RPTOR: variants seen among roughly 807,000 people sequenced by gnomAD.
RPTOR encodes the protein regulatory-associated protein of mTOR.
A neutral mutation model predicts 169.9 loss-of-function variants in RPTOR; 21 were observed. The ratio of observed to expected loss-of-function variants is 0.12; its 90% CI spans 0.09 to 0.18. The LOEUF is 0.18. RPTOR is among the 10% of genes least tolerant of loss of function. The pLI, the probability that RPTOR is intolerant of heterozygous loss-of-function variation, is 1.00. For synonymous variants in RPTOR, 732 were observed against 753.2 expected (o/e 0.97, Z 0.46); for missense variants, 1,133 against 1,855.9 (o/e 0.61, Z 7.16).
intron 1 of RPTOR, among the ~76,000 whole-genome samples, chr17:80,607,205 C>T (rs2143473087): frequency 6.6e-6 from 1 of 152,252 alleles, no homozygotes; most frequent in African/African-American, 2.4e-5. Flanking sequence ...TCCTAAAGTG[C>T]TGGGATTATA....
chr17:80,907,969 A>G (rs1450094742), intron 20 of RPTOR, among the ~76,000 whole-genome samples: 3 of 152,142 alleles, frequency 2.0e-5, no homozygotes, highest in Admixed American at 2.0e-4. Context: ...TGGACGTAGC[A>G]TGGCTCAAAG....
intron 13 of RPTOR, among the ~76,000 whole-genome samples, chr17:80,870,185 A>G (rs1057395714): frequency 1.1e-4 from 16 of 152,244 alleles, no homozygotes; most frequent in Admixed American, 3.3e-4. Flanking sequence ...TGGTACCACC[A>G]GGGAACTCCA....
intron 6 of RPTOR, among the ~76,000 whole-genome samples, chr17:80,780,514 G>C (rs1056838228): frequency 1.3e-5 from 2 of 152,214 alleles, no homozygotes; most frequent in Non-Finnish European, 1.5e-5. Context: ...CTGACCCTCA[G>C]AGGCGGTCCG....
chr17:80,827,543 C>T (rs1567934370), intron 9 of RPTOR, among the ~76,000 whole-genome samples: 3 of 152,280 alleles, frequency 2.0e-5, no homozygotes, highest in African/African-American at 4.8e-5. Context: ...CAGCCATCAC[C>T]GTTGCCATAT....
At chr17:80,874,569 G>T (rs1354104799) in intron 13 of RPTOR, among the ~76,000 whole-genome samples, 1 of 152,166 alleles carries the variant, frequency 6.6e-6, no homozygotes, top group East Asian at 1.9e-4. Context: ...CACTGTGCCT[G>T]GGGGTGAAGG....
Position 80,621,601 on chromosome 17 carries a change from G to A in RPTOR, c.163-4090G>A, listed in dbSNP as rs891379451. Among the ~76,000 whole-genome samples the A allele has an allele frequency of 3.9e-5, 6 of 152,284 alleles. 1 individual carries two copies. Among genetic ancestry groups the A allele is most frequent in the Admixed American group, 3.9e-4 (6 of 15,296 alleles). ...TTGCTCGCTCCCTGGACTTGCAGCCGCCCCTTACTCCCTGGATTCCTCGCT... is the reference window on the plus strand; with the variant it reads ...TTGCTCGCTCCCTGGACTTGCAGCCACCCCTTACTCCCTGGATTCCTCGCT... On this transcript the variant is annotated intron_variant, in intron 1 of 33. Transcript: ENST00000306801.
intron 4 of RPTOR, among the ~76,000 whole-genome samples, chr17:80,717,609 T>G (rs1250280515): frequency 6.6e-6 from 1 of 152,196 alleles, no homozygotes; most frequent in African/African-American, 2.4e-5. Context: ...TGCCGAGTCT[T>G]TCAGCCTTCA....
chr17:80,731,664 A>C (rs760427917), intron 5 of RPTOR, among the ~76,000 whole-genome samples: 5 of 152,250 alleles, frequency 3.3e-5, no homozygotes, highest in Non-Finnish European at 5.9e-5. Flanking sequence ...AATATTCTGC[A>C]GCCTCAAGGG....
In RPTOR at chr17:80,878,303, C is replaced by G. The variant is rs2068145493; in HGVS notation, c.1510-2112C>G. Among the ~76,000 whole-genome samples, 1 of 152,186 alleles carries G rather than the reference C, an allele frequency of 6.6e-6. No homozygotes were observed. Among genetic ancestry groups the G allele is most frequent in the Non-Finnish European group, 1.5e-5 (1 of 68,040 alleles). ...TTGTACATCGCACTGCAGTTTCAGA[C>G]TGCTTTCACATGCGTGGTTTCATCT... On this transcript the variant is annotated intron_variant, in intron 13 of 33. Coordinates refer to ENST00000306801, the MANE Select transcript of RPTOR (RefSeq NM_020761.3). The surrounding 1 kb of genome is among the most constrained non-coding windows in gnomAD (Gnocchi z 4.1).
chr17:80,634,556 CTGTG>C (rs1275387566), intron 2 of RPTOR, among the ~76,000 whole-genome samples: 4 of 72,094 alleles, frequency 5.5e-5, no homozygotes, highest in Non-Finnish European at 5.4e-5. Flanking sequence ...TGTGTGCATA[CTGTG>C]TGTGTGCATA....
intron 13 of RPTOR, among the ~76,000 whole-genome samples, chr17:80,872,995 G>C (rs1020041808): frequency 6.6e-6 from 1 of 152,248 alleles, no homozygotes; most frequent in East Asian, 1.9e-4. Context: ...CACTGAGGAG[G>C]CCCCGGGGGG....
intron 1 of RPTOR, among the ~76,000 whole-genome samples, chr17:80,583,678 T>G (rs529215981): frequency 6.6e-6 from 1 of 152,078 alleles, no homozygotes; most frequent in Non-Finnish European, 1.5e-5. Flanking sequence ...AACCCGGTAG[T>G]GAAGGGGGAA....
chr17:80,704,929 G>C (rs536386708), intron 3 of RPTOR, among the ~76,000 whole-genome samples: 7 of 152,254 alleles, frequency 4.6e-5, no homozygotes, highest in East Asian at 1.9e-4. Context: ...TTGTAGGAGA[G>C]CTGGGCATTG....
rs1050652798 is a variant in RPTOR, at chr17:80,845,609, A to G, written c.1213-864A>G. ...CCCAGCCTGCCCGAGGATGCCCTCC[A>G]GCAGCCTTTCCCCACCCTCCGTGCC... On this transcript the variant is annotated intron_variant, in intron 10 of 33. Transcript: ENST00000306801. This position sits in a 1 kb window ranked among gnomAD's most constrained non-coding sequence, Gnocchi z 5.4. Among the ~76,000 whole-genome samples the G allele has an allele frequency of 6.8e-6, 1 of 147,872 alleles. No homozygotes were observed. The highest frequency in any genetic ancestry group is 6.7e-5 in the Admixed American group (1 of 14,818).
At chr17:80,831,894 C>A (rs1373719574) in intron 9 of RPTOR, among the ~76,000 whole-genome samples, 3 of 151,990 alleles carry the variant, frequency 2.0e-5, no homozygotes, top group African/African-American at 7.3e-5. Context: ...TCACTGTGCA[C>A]ACAGTAAAAT....
At chr17:80,744,803 T>G (rs1308625942) in intron 5 of RPTOR, among the ~76,000 whole-genome samples, 2 of 99,770 alleles carry the variant, frequency 2.0e-5, no homozygotes, top group Non-Finnish European at 4.1e-5. Flanking sequence ...CCCTGGCTAC[T>G]AGCACTGTCC....
chr17:80,911,300 G>A (rs1027130917), intron 21 of RPTOR, among the ~76,000 whole-genome samples: 1 of 152,214 alleles, frequency 6.6e-6, no homozygotes, highest in Non-Finnish European at 1.5e-5. Flanking sequence ...ACCGTGTGGT[G>A]TGGCCAGCTG....
At chr17:80,787,662 C>T (rs2067007060) in intron 6 of RPTOR, among the ~76,000 whole-genome samples, 1 of 152,158 alleles carries the variant, frequency 6.6e-6, no homozygotes, top group Non-Finnish European at 1.5e-5. Flanking sequence ...CTATGATCCA[C>T]ATCCTTTCTA....
chr17:80,673,012 C>T (rs956072595), intron 3 of RPTOR, among the ~76,000 whole-genome samples: 1 of 152,020 alleles, frequency 6.6e-6, no homozygotes, highest in Non-Finnish European at 1.5e-5. Context: ...CTGCAACCTC[C>T]ACCTCCCGGG....
Sources: allele counts gnomAD v4.1 joint callset (sites outside exome capture counted in the v4.1 genomes callset), GRCh38; gene constraint gnomAD v4.1.1; non-coding constraint Gnocchi (gnomAD v3.1); transcripts MANE v1.5; gene names NCBI Gene and HGNC (gene_info 2026-07-23, HGNC 2026-07-21).